PRSS48: variants seen among roughly 807,000 people sequenced by gnomAD.
The protein encoded by PRSS48 is serine protease 48.
PRSS48 carries 21 observed loss-of-function variants against 25.6 expected under a neutral mutation model. The observed-to-expected ratio is 0.82, with a 90% CI of 0.58 to 1.18. PRSS48 has a LOEUF of 1.18. Among genes scored for constraint, PRSS48 ranks in the 50% most tolerant of loss-of-function variants. PRSS48 has a pLI of 0.00. For missense variants in PRSS48, 373 were observed against 399.3 expected, an observed-to-expected ratio of 0.93 and a Z score of 0.56; for synonymous variants, 150 against 149.3, an observed-to-expected ratio of 1.00 and a Z score of -0.04.
At chr4:151,285,734 G>A (rs891432381) in intron 4 of PRSS48, among the ~76,000 whole-genome samples, 2 of 151,960 alleles carry the variant, frequency 1.3e-5, no homozygotes, top group African/African-American at 4.8e-5. Context: ...TGGGTATGGT[G>A]CACAAGCCTG....
rs1774063787 is a variant in PRSS48 at position 151,280,105 on chromosome 4, A to G, written c.215+147A>G. The G allele has an allele frequency of 4.7e-6, 4 of 856,778 alleles. No individual in the cohort carries two copies. In the South Asian group the frequency reaches 6.6e-5, roughly 14 times the overall value. The allele number at this position is 856,778 out of a possible 1,614,324, so 53.1% of individuals were successfully genotyped here. A position where few individuals can be genotyped will look rare whatever the true frequency, so the allele number is the denominator to read the frequency against. On this transcript the variant is annotated intron_variant, in intron 2 of 4. Coordinates refer to ENST00000455694, the Ensembl canonical transcript of PRSS48. Reference sequence around the variant, plus strand: ...CATGTCAGACTATCAAACCCGAAACAACTAGAGACAGGGCATAGAAGTAGA... The same window carrying G: ...CATGTCAGACTATCAAACCCGAAACGACTAGAGACAGGGCATAGAAGTAGA...
intron 1 of PRSS48, among the ~76,000 whole-genome samples, chr4:151,278,465 C>A (rs1773868361): frequency 6.6e-6 from 1 of 151,134 alleles, no homozygotes; most frequent in Non-Finnish European, 1.5e-5. Flanking sequence ...AAAAAAAAAC[C>A]CTGACTAGTA....
At chr4:151,291,350 T>G in exon 5 of PRSS48, 1 of 1,613,990 alleles carries the variant, frequency 6.2e-7, no homozygotes, top group Admixed American at 1.7e-5. Flanking sequence ...TCCTGTGCCT[T>G]TGGACCTAAC....
intron 1 of PRSS48, 24 bp downstream of exon 1, chr4:151,277,248 AAGGCAG>A: frequency 6.7e-7 from 1 of 1,482,302 alleles, no homozygotes; most frequent in South Asian, 1.4e-5. Flanking sequence ...TGGGGTTGAG[AAGGCAG>A]AGGCAGAGGA....
chr4:151,289,517 T>G (rs1775125721), intron 4 of PRSS48, among the ~76,000 whole-genome samples: 2 of 152,230 alleles, frequency 1.3e-5, no homozygotes, highest in South Asian at 4.1e-4. Flanking sequence ...CACTTGTAAC[T>G]CGATCATAAA....
At chr4:151,279,735 G>C (rs878876917) in intron 1 of PRSS48, 61 bp from the exon 2 acceptor site, 4 of 1,501,312 alleles carry the variant, frequency 2.7e-6, no homozygotes, top group South Asian at 2.3e-5. Flanking sequence ...TGATGATAAG[G>C]TGGGGACCAG....
intron 1 of PRSS48, among the ~76,000 whole-genome samples, chr4:151,278,192 T>C (rs1022788591): frequency 5.9e-5 from 9 of 152,232 alleles, no homozygotes; most frequent in Non-Finnish European, 1.3e-4. Flanking sequence ...GAGGGCATCA[T>C]TGTATTTATA....
chr4:151,278,337 T>C (rs1009744704), intron 1 of PRSS48, among the ~76,000 whole-genome samples: 4 of 151,712 alleles, frequency 2.6e-5, no homozygotes, highest in African/African-American at 9.7e-5. Context: ...GGTGCAATCA[T>C]AGCCCACTGC....
At chr4:151,287,268 G>A (rs1404923533) in intron 4 of PRSS48, among the ~76,000 whole-genome samples, 1 of 150,170 alleles carries the variant, frequency 6.7e-6, no homozygotes, top group Non-Finnish European at 1.5e-5. Flanking sequence ...TTGAACCCGG[G>A]AGGCAGAGGT....
At chr4:151,291,495 C>A, downstream of PRSS48, 1 of 1,346,494 alleles carries the variant, frequency 7.4e-7, no homozygotes, top group Non-Finnish European at 1.0e-6. Context: ...ACTTTATTTA[C>A]AATTTGAAAT....
intron 3 of PRSS48, 47 bp from the exon 4 acceptor site, chr4:151,283,070 C>T: frequency 1.3e-6 from 2 of 1,582,112 alleles, no homozygotes; most frequent in Non-Finnish European, 1.7e-6. Flanking sequence ...GCTGCCCCTG[C>T]ACTTTTCTAG....
intron 3 of PRSS48, among the ~76,000 whole-genome samples, chr4:151,282,885 T>C (rs1297144495): frequency 1.3e-5 from 2 of 152,192 alleles, no homozygotes; most frequent in African/African-American, 2.4e-5. Flanking sequence ...GTACTCATTA[T>C]TTAGAACAAT....
chr4:151,282,677 A>G (rs1156734421), intron 3 of PRSS48, among the ~76,000 whole-genome samples: 1 of 152,228 alleles, frequency 6.6e-6, no homozygotes, highest in Non-Finnish European at 1.5e-5. Flanking sequence ...TCTCTCAAAC[A>G]GAGGTTAATA....
chr4:151,279,202 G>C, intron 1 of PRSS48: 1 of 263,010 alleles, frequency 3.8e-6, no homozygotes. Context: ...ACTAGAGAAA[G>C]AAGAGAAAGA....
At chr4:151,284,873 G>T (rs1426095991) in intron 4 of PRSS48, among the ~76,000 whole-genome samples, 1 of 152,174 alleles carries the variant, frequency 6.6e-6, no homozygotes, top group Non-Finnish European at 1.5e-5. Flanking sequence ...GCACATGTAT[G>T]TAATTCAGGG....
exon 2 of PRSS48, chr4:151,279,954 C>G: frequency 6.2e-7 from 1 of 1,613,156 alleles, no homozygotes; most frequent in Non-Finnish European, 8.5e-7. Context: ...ACACTGCATA[C>G]AACCGTGAGT....
At chr4:151,285,367 C>T (rs1774645862) in intron 4 of PRSS48, among the ~76,000 whole-genome samples, 1 of 152,036 alleles carries the variant, frequency 6.6e-6, no homozygotes, top group South Asian at 2.1e-4. Context: ...GTAAAACAAG[C>T]CTCAATAAAG....
At chr4:151,290,181 C>G (rs1258554109) in intron 4 of PRSS48, among the ~76,000 whole-genome samples, 1 of 152,138 alleles carries the variant, frequency 6.6e-6, no homozygotes, top group Non-Finnish European at 1.5e-5. Context: ...AATGCCTGGC[C>G]TGATCCTCCT....
chr4:151,287,138 T>G (rs1371219944), intron 4 of PRSS48, among the ~76,000 whole-genome samples: 1 of 151,260 alleles, frequency 6.6e-6, no homozygotes, highest in Non-Finnish European at 1.5e-5. Context: ...GTCAGGAGTT[T>G]GGGACCAGCC....
Sources: allele counts gnomAD v4.1 joint callset (sites outside exome capture counted in the v4.1 genomes callset), GRCh38; gene constraint gnomAD v4.1.1; transcripts MANE v1.5; gene names NCBI Gene and HGNC (gene_info 2026-07-23, HGNC 2026-07-21).